The following NLGN4X variants were observed in gnomAD, a reference collection of about 807,000 sequenced individuals.
The protein encoded by NLGN4X is neuroligin 4 X-linked.
A neutral mutation model predicts 40.3 loss-of-function variants in NLGN4X; 3 were observed. The ratio of observed to expected loss-of-function variants is 0.07; its 90% confidence interval spans 0.03 to 0.19. The LOEUF (loss-of-function observed/expected upper bound fraction) is 0.19. NLGN4X is among the 10% of genes least tolerant of loss of function. The pLI, the probability that NLGN4X is intolerant of heterozygous loss-of-function variation, is 1.00. For synonymous variants in NLGN4X, 270 were observed against 306.8 expected (o/e 0.88, Z 1.25); for missense variants, 382 against 708.3 (o/e 0.54, Z 5.23).
At chrX:6,156,851 TA>T (rs1254281665) in intron 1 of NLGN4X, among the ~76,000 whole-genome samples, 22 of 96,247 alleles carry the variant, frequency 2.3e-4, no homozygotes, top group South Asian at 4.5e-4. Flanking sequence ...ATCCCATGAA[TA>T]AAAAAAAAAA....
chrX:6,168,832 T>C (rs1444676141), intron 1 of NLGN4X, among the ~76,000 whole-genome samples: 1 of 111,294 alleles, frequency 9.0e-6, no homozygotes, highest in African/African-American at 3.3e-5. Flanking sequence ...AGTGGCAGGA[T>C]CACAACTCAC....
intron 2 of NLGN4X, among the ~76,000 whole-genome samples, chrX:6,069,908 T>C (rs1228068030): frequency 1.8e-5 from 2 of 111,895 alleles, no homozygotes; most frequent in Non-Finnish European, 3.8e-5. Flanking sequence ...TTTCATAGAA[T>C]GTTGTAATCC....
chrX:6,035,494 G>A (rs1569199552), intron 2 of NLGN4X, among the ~76,000 whole-genome samples: 1 of 111,805 alleles, frequency 8.9e-6, no homozygotes, highest in Non-Finnish European at 1.9e-5. Flanking sequence ...ACAATAAGAG[G>A]TAAGAGTTGA....
chrX:6,123,885 TATAAA>T (rs768408400), intron 2 of NLGN4X, among the ~76,000 whole-genome samples: 35 of 103,563 alleles, frequency 3.4e-4, no homozygotes, highest in Middle Eastern at 0.012. Flanking sequence ...AAATATAAAA[TATAAA>T]ATAAAATGTC....
At chrX:5,941,636 T>A (rs2033949062) in intron 3 of NLGN4X, among the ~76,000 whole-genome samples, 3 of 112,186 alleles carry the variant, frequency 2.7e-5, no homozygotes, top group African/African-American at 9.7e-5. Flanking sequence ...GATCGCAAAC[T>A]GATTAAACAT....
rs1445451447 is a variant in NLGN4X, at chrX:6,151,527, C to G, written c.-61G>C. 1 of 1,019,315 alleles carries G rather than the reference C, an allele frequency of 9.8e-7. No homozygotes were observed. The allele number at this position is 1,019,315 out of a possible 1,213,427, so 84.0% of individuals were successfully genotyped here. On this transcript the variant is annotated 5_prime_UTR_variant, in exon 2 of 6. Transcript: ENST00000381095. ...GTGATGTGGCTCCAAGGAGACAAAG[C>G]CCAGAGGCGAGCCTGCAGAGAGATA...
At chrX:5,895,659 T>G (rs1234785554) in intron 5 of NLGN4X, among the ~76,000 whole-genome samples, 1 of 111,077 alleles carries the variant, frequency 9.0e-6, no homozygotes, top group African/African-American at 3.3e-5. Context: ...TATAACATAA[T>G]ACAGGAGAAA....
chrX:5,909,796 T>C lies in NLGN4X; in HGVS notation c.626-557A>G, dbSNP rs1294814548. On this transcript the variant is annotated intron_variant, in intron 3 of 5. Coordinates refer to ENST00000381095, the MANE Select transcript of NLGN4X (RefSeq NM_181332.3). ...TCAATGCTTAAGAAACAACGTAAGT[T>C]ACAGACTCCACTAGATCCGACTCGT... Among the ~76,000 whole-genome samples the C allele has an allele frequency of 3.6e-5, 4 of 111,225 alleles. No homozygotes were observed. In the East Asian group the frequency reaches 1.1e-3, roughly 31 times the overall value.
At chrX:6,071,211 C>T (rs943498496) in intron 2 of NLGN4X, among the ~76,000 whole-genome samples, 2 of 111,457 alleles carry the variant, frequency 1.8e-5, no homozygotes, top group East Asian at 2.8e-4. Flanking sequence ...GTGTGTATTG[C>T]GGCTCATATG....
At chrX:6,209,400 G>C (rs1023013525) in intron 1 of NLGN4X, among the ~76,000 whole-genome samples, 19 of 111,474 alleles carry the variant, frequency 1.7e-4, no homozygotes, top group African/African-American at 5.5e-4. Flanking sequence ...TTTTAAAACA[G>C]GAACGTGTAT....
At chrX:6,058,177 CAT>C (rs1555961390) in intron 2 of NLGN4X, among the ~76,000 whole-genome samples, 5 of 111,071 alleles carry the variant, frequency 4.5e-5, no homozygotes, top group Non-Finnish European at 5.7e-5. Context: ...CACACACACA[CAT>C]GTTCATACAC....
chrX:6,132,799 C>T (rs1474570767), intron 2 of NLGN4X, among the ~76,000 whole-genome samples: 1 of 111,094 alleles, frequency 9.0e-6, no homozygotes, highest in Non-Finnish European at 1.9e-5. Context: ...AAGGTAATGT[C>T]AATTCCTCAA....
At chrX:6,208,105 C>T (rs934060105) in intron 1 of NLGN4X, among the ~76,000 whole-genome samples, 8 of 111,937 alleles carry the variant, frequency 7.1e-5, no homozygotes, top group African/African-American at 2.6e-4. Flanking sequence ...CAGCACATTT[C>T]TGGTGTTCCC....
At chrX:6,070,271 G>A (rs776958963) in intron 2 of NLGN4X, among the ~76,000 whole-genome samples, 2 of 110,128 alleles carry the variant, frequency 1.8e-5, no homozygotes, top group Non-Finnish European at 3.8e-5. Context: ...TGAGATCAAC[G>A]GCAAAAACAT....
rs1469172892 is a variant in NLGN4X at position 6,116,315 on chromosome X, A to AC, written c.472+34679_472+34680insG. Among the ~76,000 whole-genome samples, 541 of 94,289 alleles carry AC rather than the reference A, an allele frequency of 5.7e-3. 43 individuals are homozygous for AC. The highest frequency in any genetic ancestry group is 0.018 in the African/African-American group (419 of 23,442). The allele number at this position is 94,289 out of a possible 115,157, so 81.9% of individuals were successfully genotyped here. On this transcript the variant is annotated intron_variant, in intron 2 of 5. Transcript: ENST00000381095. ...CAAAAAAAAAAAAAAAAAAAAAAAA[A>AC]AACACTGTGAAAGAGCGGAAACTTT... is the stretch of plus-strand genomic sequence containing the variant.
intron 2 of NLGN4X, among the ~76,000 whole-genome samples, chrX:6,072,465 G>A (rs1200053783): frequency 9.0e-6 from 1 of 111,643 alleles, no homozygotes; most frequent in East Asian, 2.8e-4. Context: ...ATAAGATACT[G>A]CACTGTAAAT....
At chrX:5,944,115 A>C (rs757977418) in intron 3 of NLGN4X, among the ~76,000 whole-genome samples, 3 of 111,931 alleles carry the variant, frequency 2.7e-5, no homozygotes, top group Admixed American at 9.5e-5. Flanking sequence ...CTGCCAGTCT[A>C]ACCAGGAGTG....
At chrX:5,927,842 T>G (rs1435197653) in intron 3 of NLGN4X, among the ~76,000 whole-genome samples, 1 of 112,439 alleles carries the variant, frequency 8.9e-6, no homozygotes, top group African/African-American at 3.2e-5. Context: ...TTTTTCTCAT[T>G]CAAACTCGTC....
rs144077797 is a variant in NLGN4X at position 5,973,465 on chromosome X, C to G, written c.625+55815G>C. Among the ~76,000 whole-genome samples the G allele has an allele frequency of 5.4e-3, 604 of 112,389 alleles. 4 individuals are homozygous for G. The highest frequency in any genetic ancestry group is 0.019 in the Middle Eastern group (4 of 216). On this transcript the variant is annotated intron_variant, in intron 3 of 5. Transcript: ENST00000381095. The stretch of plus-strand genomic sequence containing the variant: ...TGCATTTATAGGTTATGCTTGGAAG[C>G]TAAATTGTTTAGTCCTCTAAAACTC...
Sources: allele counts gnomAD v4.1 joint callset (sites outside exome capture counted in the v4.1 genomes callset), GRCh38; gene constraint gnomAD v4.1.1; transcripts MANE v1.5; gene names NCBI Gene and HGNC (gene_info 2026-07-23, HGNC 2026-07-21).